Variants in CCDC7 observed in about 807,000 individuals in gnomAD.
CCDC7 encodes the protein coiled-coil domain-containing protein 7.
CCDC7 carries 183 observed loss-of-function variants against 196.9 expected under a neutral mutation model. The observed-to-expected ratio is 0.93, with a 90% confidence interval of 0.82 to 1.05. The LOEUF (loss-of-function observed/expected upper bound fraction) is 1.05, where lower values mean the gene tolerates loss of function less well. CCDC7 is among the 50% of genes least tolerant of loss of function. The probability of loss-of-function intolerance (pLI) is 0.00; values close to 1 mark genes in which losing one functional copy is unlikely to be tolerated. For missense variants in CCDC7, 1,540 were observed against 1,482.2 expected (o/e 1.04, Z -0.64); for synonymous variants, 525 against 484.6 (o/e 1.08, Z -1.10).
At chr10:32,863,701 C>CA (rs2094095609) in intron 41 of CCDC7, among the ~76,000 whole-genome samples, 2 of 151,602 alleles carry the variant, frequency 1.3e-5, no homozygotes, top group South Asian at 4.1e-4. Context: ...TTTCTATATG[C>CA]AAAAAATATA....
intron 20 of CCDC7, among the ~76,000 whole-genome samples, chr10:32,635,450 T>A (rs2065475736): frequency 6.6e-6 from 1 of 152,174 alleles, no homozygotes; most frequent in Non-Finnish European, 1.5e-5. Context: ...AGAAATAAAC[T>A]TTTTCCTAAT....
chr10:32,682,263 G>C (rs1014630630), intron 21 of CCDC7, among the ~76,000 whole-genome samples: 1 of 152,180 alleles, frequency 6.6e-6, no homozygotes, highest in Non-Finnish European at 1.5e-5. Flanking sequence ...ACTTACAAGA[G>C]AGAACATGTG....
At chr10:32,525,867 G>GTC (rs150542072) in intron 11 of CCDC7, among the ~76,000 whole-genome samples, 10 of 151,846 alleles carry the variant, frequency 6.6e-5, no homozygotes, top group East Asian at 1.9e-4. Context: ...AAGGAACAGA[G>GTC]TCTCTCTCTC....
chr10:32,584,875 G>A (rs1322282421), intron 18 of CCDC7, among the ~76,000 whole-genome samples: 1 of 151,284 alleles, frequency 6.6e-6, no homozygotes, highest in Non-Finnish European at 1.5e-5. Context: ...ATAATAGTAT[G>A]TGGCATTATG....
chr10:32,446,209 G>A (rs1485318960), exon 1 of CCDC7: 1 of 152,184 alleles, frequency 6.6e-6, no homozygotes. Context: ...GCAGAGGCCG[G>A]GCCTTTTCTT....
intron 18 of CCDC7, among the ~76,000 whole-genome samples, chr10:32,631,293 T>C (rs937662352): frequency 2.6e-5 from 4 of 152,216 alleles, no homozygotes. Flanking sequence ...GTTTTAACTC[T>C]TAATATTTAG....
intron 29 of CCDC7, among the ~76,000 whole-genome samples, chr10:32,779,962 G>A (rs561860666): frequency 6.6e-6 from 1 of 152,284 alleles, no homozygotes; most frequent in East Asian, 1.9e-4. Flanking sequence ...CTTCTAGGCT[G>A]GGCGCAGTGG....
At chr10:32,551,167 G>A (rs888130949) in intron 13 of CCDC7, among the ~76,000 whole-genome samples, 2 of 151,940 alleles carry the variant, frequency 1.3e-5, no homozygotes, top group Non-Finnish European at 2.9e-5. Flanking sequence ...TCTCTTCTAG[G>A]TTTTCTAGTT....
At chr10:32,841,998 T>C (rs968788246) in intron 33 of CCDC7, among the ~76,000 whole-genome samples, 6 of 152,016 alleles carry the variant, frequency 3.9e-5, no homozygotes, top group African/African-American at 1.4e-4. Flanking sequence ...CATAAGCTTC[T>C]AGAAGATAAC....
intron 28 of CCDC7, among the ~76,000 whole-genome samples, chr10:32,738,841 T>C (rs1356507872): frequency 1.3e-5 from 2 of 152,160 alleles, no homozygotes; most frequent in East Asian, 3.8e-4. Context: ...CTGACATGTA[T>C]TATATTCCTT....
At chr10:32,750,113 A>C (rs1456135341) in intron 28 of CCDC7, among the ~76,000 whole-genome samples, 1 of 152,168 alleles carries the variant, frequency 6.6e-6, no homozygotes, top group African/African-American at 2.4e-5. Flanking sequence ...TTATAATATA[A>C]TTTTTGAAGA....
chr10:32,783,251 C>T (rs1474239978), intron 29 of CCDC7, among the ~76,000 whole-genome samples: 4 of 152,066 alleles, frequency 2.6e-5, no homozygotes, highest in Non-Finnish European at 4.4e-5. Flanking sequence ...AAAATATTTG[C>T]AAATTACATA....
rs1361616849 is a variant in CCDC7 at position 32,624,957 on chromosome 10, G to A, written c.1802-9297G>A. 5.6e-5 allele frequency among the ~76,000 whole-genome samples: 6 copies of A among 107,024 alleles called. No homozygotes were observed. The South Asian group carries it at 9.6e-4, about 17-fold the overall frequency. The allele number at this position is 107,024 out of a possible 152,430, so 70.2% of individuals were successfully genotyped here. ...AGTCCATAGGTTGCCTTTTCATTTC[G>A]TTGACTTTTTTCTTTGCTTTGCACA... is the stretch of plus-strand genomic sequence containing the variant. On this transcript the variant is annotated intron_variant, in intron 18 of 41. Transcript: ENST00000639629.
Position 32,824,395 on chromosome 10 carries a change from G to A in CCDC7, c.3182-123G>A, listed in dbSNP as rs531960911. The A allele has an allele frequency of 5.6e-6, 3 of 539,796 alleles. No individual in the cohort carries two copies. In the South Asian group the frequency reaches 1.2e-4, roughly 22 times the overall value. 33.4% of individuals were successfully genotyped at this position (539,796 alleles called of 1,614,324 possible). A position where few individuals can be genotyped will look rare whatever the true frequency, so the allele number is the denominator to read the frequency against. On this transcript the variant is annotated intron_variant, in intron 31 of 41. Coordinates refer to ENST00000639629, the Ensembl canonical transcript of CCDC7. ...TGAATTCCTATGTTGCTGCAATCTG[G>A]ACACTTTATTATAATTCTACTCCAA...
intron 20 of CCDC7, among the ~76,000 whole-genome samples, chr10:32,659,647 A>G (rs886965018): frequency 1.3e-5 from 2 of 152,190 alleles, no homozygotes; most frequent in African/African-American, 4.8e-5. Flanking sequence ...ACAACAAACA[A>G]CCCCATTAAA....
At chr10:32,761,305 G>C (rs1437334126) in intron 28 of CCDC7, among the ~76,000 whole-genome samples, 1 of 152,058 alleles carries the variant, frequency 6.6e-6, no homozygotes, top group African/African-American at 2.4e-5. Flanking sequence ...AGGAATAAAA[G>C]GGTATATGGT....
chr10:32,754,649 G>A (rs1219972929), intron 28 of CCDC7, among the ~76,000 whole-genome samples: 1 of 152,078 alleles, frequency 6.6e-6, no homozygotes, highest in Non-Finnish European at 1.5e-5. Context: ...TAAACATGAG[G>A]GAGGTTCCAA....
chr10:32,685,852 T>C (rs2076406984), intron 21 of CCDC7, 118 bp from the exon 23 acceptor site: 1 of 598,986 alleles, frequency 1.7e-6, no homozygotes, highest in Non-Finnish European at 2.9e-6. Context: ...AATTTAGTTA[T>C]AACTTTGTAG....
At chr10:32,874,983 T>C (rs922568006) in intron 41 of CCDC7, among the ~76,000 whole-genome samples, 3 of 151,944 alleles carry the variant, frequency 2.0e-5, no homozygotes, top group African/African-American at 4.8e-5. Flanking sequence ...TTGTGAGAGA[T>C]AGGGATCCAG....
Sources: gnomAD v4.1 joint callset for allele counts (sites outside exome capture counted in the v4.1 genomes callset) on GRCh38, gnomAD v4.1.1 for gene constraint, MANE v1.5 for transcripts, NCBI Gene and HGNC (gene_info 2026-07-23, HGNC 2026-07-21) for gene names.